ADCY10: variants seen among roughly 807,000 people sequenced by gnomAD.
The protein encoded by ADCY10 is adenylate cyclase type 10.
A neutral mutation model predicts 183.3 loss-of-function variants in ADCY10; 156 were observed. The ratio of observed to expected loss-of-function variants is 0.85; its 90% CI spans 0.75 to 0.97. The LOEUF is 0.97. Among genes scored for constraint, ADCY10 ranks in the 50% least tolerant of loss-of-function variants. ADCY10 has a pLI of 0.00. For missense variants in ADCY10, 1,745 were observed against 1,934.3 expected (o/e 0.90, Z 1.84); for synonymous variants, 645 against 670.0 (o/e 0.96, Z 0.58).
rs772920689 is a variant in ADCY10 at position 167,880,105 on chromosome 1, C to T, written c.1216+10G>A. The T allele has an allele frequency of 5.0e-6, 8 of 1,609,766 alleles. No individual in the cohort carries two copies. The highest frequency in any genetic ancestry group is 6.8e-6 in the Non-Finnish European group (8 of 1,178,208). On this transcript the variant is annotated intron_variant, in intron 11 of 32. Transcript: ENST00000367851. ...AGAAAGAAAGCTGGAGATGAGCTGA[C>T]CCAGCACACCTGTGTACTCGTGTCT...
intron 1 of ADCY10, among the ~76,000 whole-genome samples, chr1:167,909,349 C>T (rs180775789): frequency 6.6e-6 from 1 of 152,168 alleles, no homozygotes; most frequent in Admixed American, 6.5e-5. Flanking sequence ...CATTCTTATT[C>T]ATGTGTTTTG....
At chr1:167,884,228 A>T (rs1668064382) in intron 8 of ADCY10, among the ~76,000 whole-genome samples, 1 of 152,218 alleles carries the variant, frequency 6.6e-6, no homozygotes, top group Non-Finnish European at 1.5e-5. Context: ...ATTGACTCAC[A>T]GTTCCATGGG....
intron 21 of ADCY10, among the ~76,000 whole-genome samples, chr1:167,840,952 T>C (rs1033829168): frequency 8.5e-6 from 1 of 117,296 alleles, no homozygotes; most frequent in Admixed American, 8.0e-5. Flanking sequence ...TTTTTTTTTT[T>C]TTTTTTGAGA....
Position 167,809,522 on chromosome 1 carries a change from A to T in ADCY10, c.*156T>A. The T allele has an allele frequency of 1.2e-6, 1 of 823,254 alleles. No homozygotes were observed. The highest frequency in any genetic ancestry group is 2.0e-6 in the Non-Finnish European group (1 of 511,860). The allele number at this position is 823,254 out of a possible 1,614,324, so 51.0% of individuals were successfully genotyped here. A position where few individuals can be genotyped will look rare whatever the true frequency, so the allele number is the denominator to read the frequency against. On this transcript the variant is annotated 3_prime_UTR_variant, in exon 33 of 33. Coordinates refer to ENST00000367851, the MANE Select transcript of ADCY10 (RefSeq NM_018417.6). ...AAACCATGACACTCCTGACCCTTGT[A>T]GGCCCTCCAGAAAGAGAAGAAATCA... is the stretch of plus-strand genomic sequence containing the variant.
Position 167,854,404 on chromosome 1 carries a change from G to A in ADCY10, c.2257C>T (p.Gln753Ter). 3 of 1,614,166 alleles carry A rather than the reference G, an allele frequency of 1.9e-6. No individual in the cohort carries two copies. The highest frequency in any genetic ancestry group is 2.5e-6 in the Non-Finnish European group (3 of 1,180,032). The change falls in exon 18 of 33, where the codon CAA becomes TAA. Residue 753 changes from glutamine (Q) to a stop codon, truncating the protein, a stop_gained. Transcript: ENST00000367851. LOFTEE classifies it high-confidence loss of function. ...GTCTTTTCCTCAGACTCCGTTTGTTGGAAAACGAGTACCTCATGATGTTCC... is the reference window on the plus strand; with the variant it reads ...GTCTTTTCCTCAGACTCCGTTTGTTAGAAAACGAGTACCTCATGATGTTCC... ...NLEHHEVLVF[Q>*]QTESEEKTNR... is the part of the protein sequence containing the mutation.
intron 13 of ADCY10, among the ~76,000 whole-genome samples, chr1:167,870,677 C>T (rs1215473968): frequency 2.7e-5 from 4 of 149,214 alleles, no homozygotes; most frequent in Non-Finnish European, 3.0e-5. Flanking sequence ...GACTTGGTGG[C>T]GGGTGCCTGT....
chr1:167,837,265 A>G lies in ADCY10; in HGVS notation c.3061T>C (p.Phe1021Leu). Residue 1021 changes from phenylalanine (F) to leucine (L), a missense_variant, in exon 22 of 33, where the codon TTT becomes CTT. Physicochemically the swap from Phe to Leu is conservative, Grantham distance 22 (BLOSUM62 0). Transcript: ENST00000367851. ...TGCCTCTACCTGCGATTTTCAGGAA[A>G]AAATGCAGATGTCTCAGGAATCTCT... is the stretch of plus-strand genomic sequence containing the variant. ...NSEIPETSAF[F>L]PENRSPEEIR... is the part of the protein sequence containing the mutation. 6.2e-7 allele frequency: 1 copy of G among 1,614,062 alleles called. No individual in the cohort carries two copies. Among genetic ancestry groups the G allele is most frequent in the Non-Finnish European group, 8.5e-7 (1 of 1,179,898 alleles).
At chr1:167,827,319 C>T (rs1301687682) in intron 26 of ADCY10, among the ~76,000 whole-genome samples, 1 of 150,158 alleles carries the variant, frequency 6.7e-6, no homozygotes, top group African/African-American at 2.5e-5. Context: ...AGGCGCCCGC[C>T]ACCACGCCCG....
intron 25 of ADCY10, among the ~76,000 whole-genome samples, chr1:167,831,680 TC>T (rs1417631136): frequency 6.6e-6 from 1 of 152,190 alleles, no homozygotes; most frequent in Non-Finnish European, 1.5e-5. Flanking sequence ...TACTTCTTAC[TC>T]CTTTTACAAA....
At chr1:167,875,598 C>A (rs899094649) in intron 12 of ADCY10, among the ~76,000 whole-genome samples, 1 of 152,190 alleles carries the variant, frequency 6.6e-6, no homozygotes, top group Non-Finnish European at 1.5e-5. Context: ...ATGTGTCTGG[C>A]GCAGTTCCAA....
At chr1:167,839,974 C>T (rs549354394) in intron 21 of ADCY10, among the ~76,000 whole-genome samples, 1 of 151,304 alleles carries the variant, frequency 6.6e-6, no homozygotes, top group Non-Finnish European at 1.5e-5. Context: ...AATCCCAACA[C>T]TTTGGGAGGC....
Position 167,822,145 on chromosome 1 carries a change from A to C in ADCY10, c.4169-4T>G. The C allele has an allele frequency of 6.5e-7, 1 of 1,530,572 alleles. No homozygotes were observed. The highest frequency in any genetic ancestry group is 1.1e-5 in the South Asian group (1 of 89,336). 94.8% of individuals were successfully genotyped at this position (1,530,572 alleles called of 1,614,324 possible). ...TCAAATGTTCTATAAACAAAACCTA[A>C]GAGAGAGAGGAATGGGTGAGAGTTA... On this transcript the variant is annotated splice_polypyrimidine_tract_variant and splice_region_variant and intron_variant, in intron 29 of 32. Transcript: ENST00000367851.
intron 14 of ADCY10, among the ~76,000 whole-genome samples, chr1:167,862,968 A>G (rs1380968493): frequency 6.6e-6 from 1 of 152,188 alleles, no homozygotes; most frequent in East Asian, 1.9e-4. Context: ...TATTCCTTAT[A>G]TGAAAATAAA....
chr1:167,858,998 G>A (rs372187922), intron 16 of ADCY10, among the ~76,000 whole-genome samples: 7 of 152,270 alleles, frequency 4.6e-5, no homozygotes, highest in Middle Eastern at 3.4e-3. Flanking sequence ...GAGTAAATGC[G>A]GGAATGTGGG....
chr1:167,810,474 T>C (rs111364699), intron 32 of ADCY10, among the ~76,000 whole-genome samples: 15 of 152,134 alleles, frequency 9.9e-5, no homozygotes, highest in Non-Finnish European at 2.1e-4. Context: ...TCCATCCTTT[T>C]GACATGTGAG....
intron 1 of ADCY10, among the ~76,000 whole-genome samples, chr1:167,911,911 T>C (rs1670171641): frequency 6.6e-6 from 1 of 152,170 alleles, no homozygotes; most frequent in Non-Finnish European, 1.5e-5. Context: ...TACATGCATT[T>C]TGAGATTAAG....
chr1:167,824,393 A>T, intron 28 of ADCY10, 83 bp downstream of exon 28: 1 of 1,143,708 alleles, frequency 8.7e-7, no homozygotes, highest in Non-Finnish European at 1.3e-6. Context: ...TCCCCACCCT[A>T]GGACTAGGCT....
intron 31 of ADCY10, among the ~76,000 whole-genome samples, chr1:167,817,322 G>A (rs112707605): frequency 0.057 from 8,741 of 152,280 alleles, 377 homozygotes; most frequent in African/African-American, 0.13. Flanking sequence ...TCGAGATTGC[G>A]CCACTGCACT....
At chr1:167,838,992 T>C (rs896922448) in intron 21 of ADCY10, among the ~76,000 whole-genome samples, 27 of 152,234 alleles carry the variant, frequency 1.8e-4, no homozygotes, top group African/African-American at 6.5e-4. Context: ...CCCAAAAACA[T>C]ATCTGAATTC....
Sources: gnomAD v4.1 joint callset for allele counts (sites outside exome capture counted in the v4.1 genomes callset) on GRCh38, gnomAD v4.1.1 for gene constraint, MANE v1.5 for transcripts, NCBI Gene and HGNC (gene_info 2026-07-23, HGNC 2026-07-21) for gene names.